Variants in CAMSAP3 observed in about 807,000 individuals in gnomAD.
The protein encoded by CAMSAP3 is calmodulin regulated spectrin associated protein family member 3, also known as calmodulin-regulated spectrin-associated protein 3.
In CAMSAP3, 34 loss-of-function variants were observed where a neutral mutation model predicts 112.5. The observed-to-expected ratio is 0.30, with a 90% CI of 0.23 to 0.40. The LOEUF (loss-of-function observed/expected upper bound fraction) is 0.40. Ranked by LOEUF, CAMSAP3 falls within the 10% of genes least tolerant of loss-of-function variation. The pLI, the probability that CAMSAP3 is intolerant of heterozygous loss-of-function variation, is 1.00. For missense variants in CAMSAP3, 1,602 were observed against 1,770.3 expected (o/e 0.90, Z 1.71); for synonymous variants, 868 against 799.8 (o/e 1.09, Z -1.44).
intron 2 of CAMSAP3, 98 bp downstream of exon 2, chr19:7,605,577 T>A: frequency 4.6e-6 from 6 of 1,317,344 alleles, no homozygotes; most frequent in Non-Finnish European, 4.9e-6. Flanking sequence ...GTTCCCTCTA[T>A]CAGTCTTGGC....
At chr19:7,616,368 C>T (rs1473463582) in intron 13 of CAMSAP3, 155 bp from the exon 14 acceptor site, 2 of 596,298 alleles carry the variant, frequency 3.4e-6, no homozygotes, top group Non-Finnish European at 6.0e-6. Context: ...AAGCATCCTC[C>T]CTCATAGAGG....
In CAMSAP3 at chr19:7,610,464, C is replaced by G. The variant is rs779115315; in HGVS notation, c.761-12C>G. ...TCATAGAGTTGGGGACCCACTCCTC[C>G]TGTCCCCACAGAGGTGTGCTTGAAG... is the stretch of plus-strand genomic sequence containing the variant. On this transcript the variant is annotated splice_polypyrimidine_tract_variant and intron_variant, in intron 5 of 16. Coordinates refer to ENST00000160298, the MANE Select transcript of CAMSAP3 (RefSeq NM_020902.2). The surrounding 1 kb of genome is among the most constrained non-coding windows in gnomAD (Gnocchi z 4.9). 1.9e-6 allele frequency: 3 copies of G among 1,603,870 alleles called. No individual in the cohort carries two copies. The highest frequency in any genetic ancestry group is 2.6e-6 in the Non-Finnish European group (3 of 1,175,320).
chr19:7,616,534 A>T lies in CAMSAP3; in HGVS notation c.3124A>T (p.Ser1042Cys). 6.2e-7 allele frequency: 1 copy of T among 1,613,142 alleles called. No individual in the cohort carries two copies. Residue 1042 changes from serine (S) to cysteine (C), a missense_variant, in exon 14 of 17, where the codon AGC becomes TGC. Ser to Cys is a moderately radical substitution (Grantham distance 112, BLOSUM62 -1). Around this residue, in one of 6 missense-constraint regions of CAMSAP3, gnomAD observed 1,100 missense variants for 1,135.7 expected, o/e 0.97. Transcript: ENST00000160298. ...ATCTCTGTCCCCAGGCTCTCGGCTGAGCAAAATCTATTCCCAGTCCACCCT... is the reference window on the plus strand; with the variant it reads ...ATCTCTGTCCCCAGGCTCTCGGCTGTGCAAAATCTATTCCCAGTCCACCCT... ...PARGLLGSRL[S>C]KIYSQSTLSL...
chr19:7,611,508 C>A lies in CAMSAP3; in HGVS notation c.1124-9C>A. 6.2e-7 allele frequency: 1 copy of A among 1,605,150 alleles called. No individual in the cohort carries two copies. Among genetic ancestry groups the A allele is most frequent in the Non-Finnish European group, 8.5e-7 (1 of 1,175,788 alleles). ...GGTCCCCATAGTGACCACTCATCGC[C>A]TCCCCCAGGCTCCCTGAAGTCTTCC... On this transcript the variant is annotated splice_polypyrimidine_tract_variant and intron_variant, in intron 9 of 16. Coordinates refer to ENST00000160298, the MANE Select transcript of CAMSAP3 (RefSeq NM_020902.2). The surrounding 1 kb of genome is among the most constrained non-coding windows in gnomAD (Gnocchi z 6.9).
chr19:7,611,448 C>G lies in CAMSAP3; in HGVS notation c.1124-69C>G. On this transcript the variant is annotated intron_variant, in intron 9 of 16. Transcript: ENST00000160298. This position sits in a 1 kb window ranked among gnomAD's most constrained non-coding sequence, Gnocchi z 6.9. ...ACCCAATGACCTTGCAGAGGTTGTC[C>G]CCAGATGCTGGCTGACCCCACTCAG... is the stretch of plus-strand genomic sequence containing the variant. The G allele has an allele frequency of 6.9e-7, 1 of 1,456,838 alleles. No homozygotes were observed. Among genetic ancestry groups the G allele is most frequent in the Non-Finnish European group, 9.3e-7 (1 of 1,072,846 alleles). The allele number at this position is 1,456,838 out of a possible 1,614,324, so 90.2% of individuals were successfully genotyped here. A position where few individuals can be genotyped will look rare whatever the true frequency, so the allele number is the denominator to read the frequency against.
chr19:7,608,333 C>A, intron 5 of CAMSAP3, 69 bp downstream of exon 5: 3 of 1,542,074 alleles, frequency 1.9e-6, no homozygotes, highest in Non-Finnish European at 1.8e-6. Flanking sequence ...GCCCCTAGAC[C>A]CTCCATCCCC....
In CAMSAP3 at chr19:7,613,059, G is replaced by A. The variant is rs1309351309; in HGVS notation, c.2566G>A (p.Ala856Thr). 1.5e-5 allele frequency: 24 copies of A among 1,548,920 alleles called. No homozygotes were observed. Among genetic ancestry groups the A allele is most frequent in the Non-Finnish European group, 2.0e-5 (23 of 1,147,248 alleles). Residue 856 changes from alanine (A) to threonine (T), a missense_variant, in exon 11 of 17, where the codon GCC becomes ACC. This residue lies in a region of CAMSAP3 where 1,100 missense variants were observed against 1,135.7 expected (regional missense o/e 0.97). Transcript: ENST00000160298. ...GCTGGGCAGCCTGGCAGATCCCGCC[G>A]CCGAGGACGAGGGAGACGGGAGCCC... Reference protein sequence around the residue: ...IPLGSLADPAAEDEGDGSPAG... With the variant: ...IPLGSLADPATEDEGDGSPAG...
rs1366811222 is a variant in CAMSAP3, at chr19:7,615,392, TGATGCC to T, written c.2811-22_2811-17del. ...CCACCGCGGACCCCGTGAGCGGTTC[TGATGCC>T]GATTCCCTGTGATCTGCAGGCTGGC... is the stretch of plus-strand genomic sequence containing the variant. On this transcript the variant is annotated intron_variant, in intron 12 of 16. Transcript: ENST00000160298. The surrounding 1 kb of genome is among the most constrained non-coding windows in gnomAD (Gnocchi z 6.5). 6.5e-7 allele frequency: 1 copy of T among 1,538,486 alleles called. No homozygotes were observed. The highest frequency in any genetic ancestry group is 2.5e-5 in the East Asian group (1 of 40,738).
intron 5 of CAMSAP3, among the ~76,000 whole-genome samples, chr19:7,608,984 A>T (rs2030346581): frequency 6.6e-6 from 1 of 152,066 alleles, no homozygotes; most frequent in Admixed American, 6.6e-5. Context: ...GGGTGGTCAG[A>T]AAAAGCTTTT....
rs951375183 is a variant in CAMSAP3, at chr19:7,618,093, G to A, written c.*36G>A. 3 of 1,584,978 alleles carry A rather than the reference G, an allele frequency of 1.9e-6. No individual in the cohort carries two copies. The African/African-American group carries it at 4.0e-5, about 21-fold the overall frequency. On this transcript the variant is annotated 3_prime_UTR_variant, in exon 17 of 17. Coordinates refer to ENST00000160298, the MANE Select transcript of CAMSAP3 (RefSeq NM_020902.2). ...GCGGTCCACGGGCCGGGCCCTGTGT[G>A]CTGCGGCCGCCATCCCCTGGAGGAC...
rs1439424941 is a variant in CAMSAP3, at chr19:7,608,279, G to A, written c.760+15G>A. 5 of 1,606,582 alleles carry A rather than the reference G, an allele frequency of 3.1e-6. No homozygotes were observed. The highest frequency in any genetic ancestry group is 1.7e-4 in the Middle Eastern group (1 of 6,038). ...TCGACTTGAGGGTGAGTAAATGGAT[G>A]TGGAACAGATCTTGTGCCGGGGAGC... On this transcript the variant is annotated intron_variant, in intron 5 of 16. Coordinates refer to ENST00000160298, the MANE Select transcript of CAMSAP3 (RefSeq NM_020902.2).
Position 7,611,595 on chromosome 19 carries a change from A to T in CAMSAP3, c.1193+9A>T. ...TGGAACCGGCAGCTCAGGTGAGTAG[A>T]CCTCACAGGCCAGGGTAGGGGGTGG... On this transcript the variant is annotated intron_variant, in intron 10 of 16. Coordinates refer to ENST00000160298, the MANE Select transcript of CAMSAP3 (RefSeq NM_020902.2). This position sits in a 1 kb window ranked among gnomAD's most constrained non-coding sequence, Gnocchi z 6.9. The T allele has an allele frequency of 6.2e-7, 1 of 1,611,246 alleles. No individual in the cohort carries two copies. The highest frequency in any genetic ancestry group is 8.5e-7 in the Non-Finnish European group (1 of 1,179,184).
At chr19:7,616,400 C>T in intron 13 of CAMSAP3, 123 bp from the exon 14 acceptor site, 1 of 718,348 alleles carries the variant, frequency 1.4e-6, no homozygotes, top group East Asian at 2.6e-5. Context: ...AGGGGTGCTG[C>T]AGAGGGCCGA....
Position 7,614,937 on chromosome 19 carries a change from G to GCTGGCACTCA in CAMSAP3, c.2671-243_2671-242insGCACTCACTG, listed in dbSNP as rs1305611282. 144 of 586,338 alleles carry GCTGGCACTCA rather than the reference G, an allele frequency of 2.5e-4. 2 individuals are homozygous for GCTGGCACTCA. In the East Asian group the frequency reaches 2.6e-3, roughly 11 times the overall value. The allele number at this position is 586,338 out of a possible 1,614,324, so 36.3% of individuals were successfully genotyped here. Reference sequence around the variant, plus strand: ...CTTTTGCTGGCACTCACTGCTGTCTGCTGCTTTTGTCTTCCCCGTTGGGTT... The same window carrying GCTGGCACTCA: ...CTTTTGCTGGCACTCACTGCTGTCTGCTGGCACTCACTGCTTTTGTCTTCCCCGTTGGGTT... On this transcript the variant is annotated intron_variant, in intron 11 of 16. Coordinates refer to ENST00000160298, the MANE Select transcript of CAMSAP3 (RefSeq NM_020902.2).
At chr19:7,601,578 A>G (rs2029969022) in intron 1 of CAMSAP3, among the ~76,000 whole-genome samples, 1 of 152,058 alleles carries the variant, frequency 6.6e-6, no homozygotes, top group African/African-American at 2.4e-5. Context: ...GCTGTAAATA[A>G]TGCTCAGTAA....
At chr19:7,606,156 A>AATC in intron 2 of CAMSAP3, 115 bp from the exon 3 acceptor site, 3 of 224,848 alleles carry the variant, frequency 1.3e-5, no homozygotes, top group East Asian at 1.2e-4. Flanking sequence ...CTCAAGCCCC[A>AATC]CCCCCCCCGT....
rs775060609 is a variant in CAMSAP3 at position 7,605,275 on chromosome 19, G to A, written c.198G>A (p.Ala66=). 1 of 1,610,186 alleles carries A rather than the reference G, an allele frequency of 6.2e-7. No homozygotes were observed. The highest frequency in any genetic ancestry group is 8.5e-7 in the Non-Finnish European group (1 of 1,178,392). ...LWEPFYTDQY[A]QEHVKPPVTR... is the part of the protein sequence containing the mutation. ...AGCCCTTCTATACCGACCAGTACGC[G>A]CAGGAGCATGTGAAGCCCCCGGTGA... Residue 66 remains alanine, a synonymous_variant, in exon 2 of 17, where the codon GCG becomes GCA. Coordinates refer to ENST00000160298, the MANE Select transcript of CAMSAP3 (RefSeq NM_020902.2).
Position 7,617,341 on chromosome 19 carries a change from A to G in CAMSAP3, c.3228A>G (p.Ser1076=), listed in dbSNP as rs768591402. ...KRPTSRAPSP[S]GLMSPSRLPG... ...CCCACTGCAGGGCTCCCTCCCCGTC[A>G]GGTCTCATGTCCCCAAGCCGCCTGC... Residue 1076 remains serine (S), a synonymous_variant, in exon 15 of 17, where the codon TCA becomes TCG. Coordinates refer to ENST00000160298, the MANE Select transcript of CAMSAP3 (RefSeq NM_020902.2). This position sits in a 1 kb window ranked among gnomAD's most constrained non-coding sequence, Gnocchi z 7.5. The G allele has an allele frequency of 5.6e-6, 9 of 1,613,614 alleles. No individual in the cohort carries two copies. Among genetic ancestry groups the G allele is most frequent in the Non-Finnish European group, 7.6e-6 (9 of 1,179,782 alleles).
intron 1 of CAMSAP3, among the ~76,000 whole-genome samples, chr19:7,596,945 G>A (rs934657185): frequency 6.6e-6 from 1 of 152,118 alleles, no homozygotes; most frequent in African/African-American, 2.4e-5. Flanking sequence ...CACCCTAATG[G>A]GGAGGATGCC....
Sources: gnomAD v4.1 joint callset for allele counts (sites outside exome capture counted in the v4.1 genomes callset) on GRCh38, gnomAD v4.1.1 for gene constraint, gnomAD v4.1.1 regional missense constraint, Gnocchi (gnomAD v3.1) non-coding constraint, MANE v1.5 for transcripts, NCBI Gene and HGNC (gene_info 2026-07-23, HGNC 2026-07-21) for gene names.